Variants in RNF111 observed in about 807,000 individuals in gnomAD.
The protein encoded by RNF111 is E3 ubiquitin-protein ligase Arkadia.
Under a neutral mutation model 95.1 loss-of-function variants are expected in RNF111, and 17 were observed. The ratio of observed to expected loss-of-function variants is 0.18; its 90% confidence interval spans 0.12 to 0.27. The LOEUF (loss-of-function observed/expected upper bound fraction) is 0.27, where lower values mean the gene tolerates loss of function less well. RNF111 is among the 10% of genes least tolerant of loss of function. RNF111 has a pLI of 1.00. For synonymous variants in RNF111, 440 were observed against 414.8 expected (o/e 1.06, Z -0.74); for missense variants, 1,189 against 1,210.4 (o/e 0.98, Z 0.26).
rs549210738 is a variant in RNF111, at chr15:59,056,029, T to C, written c.1171+184T>C. Among the ~76,000 whole-genome samples the C allele has an allele frequency of 6.8e-4, 104 of 152,340 alleles. 1 individual carries two copies. Among genetic ancestry groups the C allele is most frequent in the Non-Finnish European group, 1.6e-4 (11 of 68,026 alleles). The stretch of plus-strand genomic sequence containing the variant: ...TTGTAAATTTACATAAAATTCTTTG[T>C]GGTTATTGTTTCAATACTTGATAGC... On this transcript the variant is annotated intron_variant, in intron 4 of 13. Coordinates refer to ENST00000348370, the MANE Select transcript of RNF111 (RefSeq NM_017610.8).
At chr15:59,023,038 G>C (rs531335271) in intron 1 of RNF111, among the ~76,000 whole-genome samples, 2 of 152,244 alleles carry the variant, frequency 1.3e-5, no homozygotes, top group Admixed American at 6.5e-5. Flanking sequence ...CCTGAGGTCA[G>C]GAGTTCGAGA....
At position 59,072,450 on chromosome 15, in the gene RNF111, C is replaced by CTTTTT. The variant is rs35989790; in HGVS notation, c.1687-3485_1687-3481dup. Among the ~76,000 whole-genome samples, 74 of 102,776 alleles carry CTTTTT rather than the reference C, an allele frequency of 7.2e-4. 1 individual carries two copies. The highest frequency in any genetic ancestry group is 1.7e-3 in the African/African-American group (42 of 24,824). 67.4% of individuals were successfully genotyped at this position (102,776 alleles called of 152,430 possible). On this transcript the variant is annotated intron_variant, in intron 6 of 13. Transcript: ENST00000348370. ...CTAAATCTTTCGCTGTCATTTCCATCTTTTTTTTTTTTTTTTTTTTTTTGA... is the reference window on the plus strand; with the variant it reads ...CTAAATCTTTCGCTGTCATTTCCATCTTTTTTTTTTTTTTTTTTTTTTTTTTTTGA...
intron 5 of RNF111, among the ~76,000 whole-genome samples, chr15:59,066,498 T>C (rs1041860981): frequency 3.4e-4 from 52 of 152,028 alleles, no homozygotes; most frequent in African/African-American, 1.2e-3. Flanking sequence ...TAATCCCAGC[T>C]ACTCAGGAGG....
intron 6 of RNF111, among the ~76,000 whole-genome samples, chr15:59,070,092 C>T (rs898895127): frequency 3.5e-4 from 45 of 127,152 alleles, no homozygotes; most frequent in African/African-American, 1.3e-3. Context: ...TCAGGCTGGC[C>T]TTAAACTCCT....
chr15:58,995,562 A>C (rs2141388405), intron 1 of RNF111, among the ~76,000 whole-genome samples: 1 of 151,462 alleles, frequency 6.6e-6, no homozygotes, highest in African/African-American at 2.4e-5. Context: ...GGGTTCAAGC[A>C]ATTCTCTGCC....
intron 2 of RNF111, among the ~76,000 whole-genome samples, chr15:59,047,166 A>G (rs1596191944): frequency 6.6e-6 from 1 of 152,168 alleles, no homozygotes; most frequent in East Asian, 1.9e-4. Flanking sequence ...GCTCAGATTA[A>G]ACATGGACAG....
intron 7 of RNF111, among the ~76,000 whole-genome samples, chr15:59,080,085 T>A (rs1192177096): frequency 4.7e-5 from 7 of 150,062 alleles, no homozygotes; most frequent in Non-Finnish European, 8.9e-5. Flanking sequence ...AGTGGTAATG[T>A]GGGGGTAATC....
chr15:59,068,157 T>A (rs1016405546), intron 6 of RNF111, among the ~76,000 whole-genome samples: 16 of 151,922 alleles, frequency 1.1e-4, no homozygotes, highest in African/African-American at 3.1e-4. Flanking sequence ...GAGGCTTAGG[T>A]TGCAGTGAGC....
rs147539166 is a variant in RNF111, at chr15:59,092,970, C to G, written c.2843+330C>G. Among the ~76,000 whole-genome samples the G allele has an allele frequency of 5.2e-3, 798 of 152,278 alleles. 5 individuals are homozygous for G. The highest frequency in any genetic ancestry group is 0.044 in the Middle Eastern group (13 of 294). On this transcript the variant is annotated intron_variant, in intron 13 of 13. Coordinates refer to ENST00000348370, the MANE Select transcript of RNF111 (RefSeq NM_017610.8). ...AGCTTTGAGCACACCACACTGCACT[C>G]CAGCCTGGGCAATAGAGTGAGACCC... is the stretch of plus-strand genomic sequence containing the variant.
At chr15:59,077,110 T>C (rs2078587626) in intron 7 of RNF111, among the ~76,000 whole-genome samples, 1 of 136,542 alleles carries the variant, frequency 7.3e-6, no homozygotes, top group South Asian at 2.3e-4. Flanking sequence ...TTGGAAAACA[T>C]TTAGCAAGTT....
intron 2 of RNF111, among the ~76,000 whole-genome samples, chr15:59,051,448 A>C (rs1298978419): frequency 1.7e-5 from 2 of 119,902 alleles, no homozygotes; most frequent in Non-Finnish European, 3.3e-5. Flanking sequence ...ATTGAGCGAG[A>C]CTCTGTCTCA....
intron 1 of RNF111, among the ~76,000 whole-genome samples, chr15:59,026,200 G>C (rs1224678229): frequency 6.6e-6 from 1 of 152,136 alleles, no homozygotes; most frequent in Non-Finnish European, 1.5e-5. Flanking sequence ...TGTATGGATA[G>C]TCTTAATGGG....
In RNF111 at chr15:59,031,554, A is replaced by G. The variant is rs1339017625; in HGVS notation, c.732A>G (p.Arg244=). Residue 244 remains arginine (R), a synonymous_variant, in exon 2 of 14, where the codon CGA becomes CGG. Coordinates refer to ENST00000348370, the MANE Select transcript of RNF111 (RefSeq NM_017610.8). ...MQRKKREVLA[R]RKYALLPSSS... ...GGAAGAAACGAGAAGTGTTAGCTCGAAGAAAATATGCCTTGCTACCTAGTT... is the reference window on the plus strand; with the variant it reads ...GGAAGAAACGAGAAGTGTTAGCTCGGAGAAAATATGCCTTGCTACCTAGTT... The G allele has an allele frequency of 6.2e-7, 1 of 1,614,230 alleles. No individual in the cohort carries two copies. Among genetic ancestry groups the G allele is most frequent in the Non-Finnish European group, 8.5e-7 (1 of 1,180,044 alleles).
intron 1 of RNF111, among the ~76,000 whole-genome samples, chr15:59,008,241 A>G (rs1307970181): frequency 2.0e-5 from 3 of 152,140 alleles, no homozygotes; most frequent in Non-Finnish European, 4.4e-5. Flanking sequence ...TTTGGAGACA[A>G]GAGTCTTTCT....
chr15:59,031,583 G>C lies in RNF111; in HGVS notation c.761G>C (p.Ser254Thr), dbSNP rs145842619. 1 of 1,614,190 alleles carries C rather than the reference G, an allele frequency of 6.2e-7. No homozygotes were observed. Residue 254 changes from serine to threonine, a missense_variant, in exon 2 of 14, where the codon AGT becomes ACT. Physicochemically the swap from Ser to Thr is moderately conservative, Grantham distance 58. Around this residue, in one of 2 missense-constraint regions of RNF111, gnomAD observed 1,024 missense variants for 925.9 expected, o/e 1.11. Transcript: ENST00000348370. ...RRKYALLPSSSSSSENDLSSE... is the reference protein window; with the variant it reads ...RRKYALLPSSTSSSENDLSSE... ...AAATATGCCTTGCTACCTAGTTCTA[G>C]TAGTTCCAGTGAGAATGACCTCAGC...
chr15:59,080,355 A>G (rs2078703801), intron 7 of RNF111, among the ~76,000 whole-genome samples: 1 of 152,080 alleles, frequency 6.6e-6, no homozygotes, highest in South Asian at 2.1e-4. Context: ...TCCTGGCTTC[A>G]GGTGACTCTG....
intron 1 of RNF111, among the ~76,000 whole-genome samples, chr15:59,014,355 A>G (rs2039969266): frequency 2.0e-5 from 3 of 152,210 alleles, no homozygotes; most frequent in Non-Finnish European, 4.4e-5. Context: ...GAATCTGAGC[A>G]CTAGGACTTA....
chr15:59,060,362 T>G (rs1596237945), intron 5 of RNF111, among the ~76,000 whole-genome samples: 1 of 151,688 alleles, frequency 6.6e-6, no homozygotes, highest in Non-Finnish European at 1.5e-5. Flanking sequence ...CCCAGCTCTT[T>G]GGGAGGCCAG....
At position 59,034,411 on chromosome 15, in the gene RNF111, C is replaced by T. The variant is rs554626463; in HGVS notation, c.880+2709C>T. ...GCATTAAATTCCTCGATGCTAATGT[C>T]GTGATGATAATAAAAATATCTAACA... is the stretch of plus-strand genomic sequence containing the variant. On this transcript the variant is annotated intron_variant, in intron 2 of 13. Transcript: ENST00000348370. Among the ~76,000 whole-genome samples the T allele has an allele frequency of 1.0e-3, 155 of 152,244 alleles. 1 individual carries two copies. The highest frequency in any genetic ancestry group is 6.8e-3 in the Middle Eastern group (2 of 294).
Sources: allele counts gnomAD v4.1 joint callset (sites outside exome capture counted in the v4.1 genomes callset), GRCh38; gene constraint gnomAD v4.1.1; regional missense constraint gnomAD v4.1.1; transcripts MANE v1.5; gene names NCBI Gene and HGNC (gene_info 2026-07-23, HGNC 2026-07-21).